The following CCDC178 variants were observed in gnomAD, a reference collection of about 807,000 sequenced individuals.
CCDC178 encodes the protein coiled-coil domain-containing protein 178.
A neutral mutation model predicts 117.4 loss-of-function variants in CCDC178; 126 were observed. That is an observed-to-expected ratio of 1.07 (90% CI 0.93 to 1.24). The LOEUF is 1.24. CCDC178 is among the 50% of genes most tolerant of loss of function. The pLI, the probability that CCDC178 is intolerant of heterozygous loss-of-function variation, is 0.00. For synonymous variants in CCDC178, 283 were observed against 313.4 expected (o/e 0.90, Z 1.02); for missense variants, 1,030 against 986.9 (o/e 1.04, Z -0.59).
chr18:33,310,615 G>A (rs1426510887), intron 11 of CCDC178, among the ~76,000 whole-genome samples: 1 of 152,138 alleles, frequency 6.6e-6, no homozygotes, highest in East Asian at 1.9e-4. Flanking sequence ...GAGCCCAGGA[G>A]GTGGAGGTTG....
chr18:33,350,937 T>C (rs1023647165), intron 7 of CCDC178, among the ~76,000 whole-genome samples: 1 of 152,088 alleles, frequency 6.6e-6, no homozygotes. Context: ...GTGGGCATCC[T>C]TGTTTTGCTC....
In CCDC178 at chr18:33,414,546, A is replaced by T. The variant is rs2063906053; in HGVS notation, c.-22-2436T>A. 2.6e-5 allele frequency among the ~76,000 whole-genome samples: 4 copies of T among 152,348 alleles called. 1 individual carries two copies. In the South Asian group the frequency reaches 8.3e-4, roughly 32 times the overall value. ...CTTCCTTACACCTTATACAAAAATTAATTCAAGATGGATCAAAGACTTAAA... is the reference window on the plus strand; with the variant it reads ...CTTCCTTACACCTTATACAAAAATTTATTCAAGATGGATCAAAGACTTAAA... On this transcript the variant is annotated intron_variant, in intron 2 of 22. Coordinates refer to ENST00000383096, the MANE Select transcript of CCDC178 (RefSeq NM_001105528.4).
intron 2 of CCDC178, among the ~76,000 whole-genome samples, chr18:33,433,024 T>A (rs1255178231): frequency 6.6e-6 from 1 of 152,206 alleles, no homozygotes; most frequent in African/African-American, 2.4e-5. Context: ...AGTTTAGAAA[T>A]TTTAACACTC....
intron 5 of CCDC178, among the ~76,000 whole-genome samples, chr18:33,374,890 A>C (rs2144772679): frequency 6.6e-6 from 1 of 152,306 alleles, no homozygotes. Context: ...AAGTGGCATA[A>C]TTTCATTTAT....
At chr18:33,156,758 A>G (rs1341085876) in intron 20 of CCDC178, among the ~76,000 whole-genome samples, 1 of 151,998 alleles carries the variant, frequency 6.6e-6, no homozygotes, top group Non-Finnish European at 1.5e-5. Flanking sequence ...GGGGAGAGGG[A>G]TGGAAAAGAT....
chr18:33,423,487 T>C (rs1437307733), intron 2 of CCDC178, among the ~76,000 whole-genome samples: 3 of 152,228 alleles, frequency 2.0e-5, no homozygotes, highest in Non-Finnish European at 4.4e-5. Context: ...TTAGTATATC[T>C]ATTCTCCTAT....
chr18:33,440,084 TA>T lies in CCDC178; in HGVS notation c.-142-4del, dbSNP rs1330333787. The T allele has an allele frequency of 6.6e-6, 1 of 152,134 alleles. No individual in the cohort carries two copies. The highest frequency in any genetic ancestry group is 1.5e-5 in the Non-Finnish European group (1 of 68,000). The allele number at this position is 152,134 out of a possible 1,614,324, so 9.4% of individuals were successfully genotyped here. Reference sequence around the variant, plus strand: ...TATTTGACTTGATTGAGCAGACACTTAAAAAATTAAATATCAAGAAAAGAAA... The same window carrying T: ...TATTTGACTTGATTGAGCAGACACTTAAAAATTAAATATCAAGAAAAGAAA... On this transcript the variant is annotated splice_region_variant and splice_polypyrimidine_tract_variant and intron_variant, in intron 1 of 22. Coordinates refer to ENST00000383096, the MANE Select transcript of CCDC178 (RefSeq NM_001105528.4).
intron 5 of CCDC178, among the ~76,000 whole-genome samples, chr18:33,388,930 C>G (rs2063529530): frequency 1.3e-5 from 2 of 151,894 alleles, no homozygotes; most frequent in African/African-American, 2.4e-5. Context: ...TAAGTGGGAG[C>G]TGAACAATGA....
chr18:33,242,379 G>A (rs891824686), intron 15 of CCDC178, among the ~76,000 whole-genome samples: 1 of 151,458 alleles, frequency 6.6e-6, no homozygotes, highest in Admixed American at 6.6e-5. Context: ...AAAAGCACAG[G>A]CAACAAAAAC....
At chr18:33,419,897 G>C (rs2064000337) in intron 2 of CCDC178, among the ~76,000 whole-genome samples, 1 of 151,580 alleles carries the variant, frequency 6.6e-6, no homozygotes, top group Non-Finnish European at 1.5e-5. Context: ...ATTCAACCCA[G>C]CAATCTTTCT....
intron 10 of CCDC178, chr18:33,328,082 G>GTGT (rs2062609334): frequency 8.3e-6 from 2 of 242,036 alleles, no homozygotes; most frequent in African/African-American, 6.6e-5. Flanking sequence ...TTTATCCCTA[G>GTGT]ATTTTTTTTT....
rs1258250633 is a variant in CCDC178 at position 33,363,706 on chromosome 18, T to C, written c.348+6344A>G. Among the ~76,000 whole-genome samples the C allele has an allele frequency of 2.0e-5, 3 of 152,176 alleles. No homozygotes were observed. In the East Asian group the frequency reaches 5.8e-4, roughly 29 times the overall value. On this transcript the variant is annotated intron_variant, in intron 6 of 22. Transcript: ENST00000383096. ...TTGACTTTTCACTTTAGTTCATAGA[T>C]CTATGGGTCAAAAGAAGTTGCACAC...
At chr18:33,306,448 GTACATA>G (rs1463649759) in intron 11 of CCDC178, among the ~76,000 whole-genome samples, 15 of 139,996 alleles carry the variant, frequency 1.1e-4, no homozygotes, top group African/African-American at 3.5e-4. Flanking sequence ...GTGTGTGTGT[GTACATA>G]TGGTTATATA....
At chr18:33,424,110 C>A (rs997953483) in intron 2 of CCDC178, among the ~76,000 whole-genome samples, 1 of 152,070 alleles carries the variant, frequency 6.6e-6, no homozygotes, top group Non-Finnish European at 1.5e-5. Context: ...GTAAATAGTG[C>A]AAATATATTG....
intron 21 of CCDC178, among the ~76,000 whole-genome samples, chr18:32,988,623 ATAAAC>A (rs966336897): frequency 4.5e-4 from 69 of 152,190 alleles, no homozygotes; most frequent in African/African-American, 1.6e-3. Context: ...AAAGAACAGA[ATAAAC>A]TAATCAAAAA....
intron 21 of CCDC178, among the ~76,000 whole-genome samples, chr18:33,033,945 A>G (rs1035247021): frequency 4.6e-5 from 7 of 152,052 alleles, no homozygotes; most frequent in East Asian, 1.9e-4. Flanking sequence ...ATATATATAT[A>G]TGTGTATATA....
chr18:33,424,512 G>C (rs1178003831), intron 2 of CCDC178, among the ~76,000 whole-genome samples: 1 of 152,120 alleles, frequency 6.6e-6, no homozygotes, highest in African/African-American at 2.4e-5. Flanking sequence ...GTTCATACTT[G>C]GTTCTAAGCC....
At chr18:33,371,658 C>T (rs1167491744) in intron 5 of CCDC178, among the ~76,000 whole-genome samples, 1 of 151,954 alleles carries the variant, frequency 6.6e-6, no homozygotes, top group Non-Finnish European at 1.5e-5. Context: ...AATGCTCCTT[C>T]ATAATATCAG....
chr18:32,994,437 CTT>C (rs2055460239), intron 21 of CCDC178, among the ~76,000 whole-genome samples: 1 of 152,018 alleles, frequency 6.6e-6, no homozygotes, highest in Non-Finnish European at 1.5e-5. Flanking sequence ...AATTTTAACT[CTT>C]TTTTAATCTC....
Sources: allele counts gnomAD v4.1 joint callset (sites outside exome capture counted in the v4.1 genomes callset), GRCh38; gene constraint gnomAD v4.1.1; transcripts MANE v1.5; gene names NCBI Gene and HGNC (gene_info 2026-07-23, HGNC 2026-07-21).